Variants in USP32 observed in about 807,000 individuals in gnomAD.
The protein encoded by USP32 is ubiquitin carboxyl-terminal hydrolase 32.
USP32 carries 59 observed loss-of-function variants against 204.8 expected under a neutral mutation model. The observed-to-expected ratio is 0.29, with a 90% CI of 0.23 to 0.36. The LOEUF is 0.36. USP32 is among the 10% of genes least tolerant of loss of function. USP32 has a pLI of 1.00. For missense variants in USP32, 1,160 were observed against 1,946.4 expected (o/e 0.60, Z 7.60); for synonymous variants, 517 against 678.4 (o/e 0.76, Z 3.70).
intron 9 of USP32, among the ~76,000 whole-genome samples, chr17:60,263,130 T>C (rs558940949): frequency 1.3e-5 from 2 of 152,238 alleles, no homozygotes; most frequent in South Asian, 4.1e-4. Flanking sequence ...TTTCTTTTTT[T>C]AGAGATAGAG....
chr17:60,185,319 TA>T, intron 30 of USP32, 140 bp downstream of exon 30: 1 of 969,584 alleles, frequency 1.0e-6, no homozygotes, highest in South Asian at 2.4e-5. Context: ...GTATTCAACA[TA>T]AAAAGCTTGT....
At chr17:60,245,752 T>C (rs2086004143) in intron 11 of USP32, 1 of 153,230 alleles carries the variant, frequency 6.5e-6, no homozygotes, top group South Asian at 2.0e-4. Context: ...TCACTTATTT[T>C]CAGCTTGAAG....
At chr17:60,251,284 AT>A (rs200516481) in intron 11 of USP32, among the ~76,000 whole-genome samples, 34 of 152,052 alleles carry the variant, frequency 2.2e-4, no homozygotes, top group Admixed American at 5.2e-4. Context: ...TAAAAAAAAA[AT>A]AATAATAATA....
In USP32 at chr17:60,391,310, T is replaced by G. The variant is rs570069851; in HGVS notation, c.58+572A>C. On this transcript the variant is annotated intron_variant, in intron 1 of 33. Transcript: ENST00000300896. ...TCATTTCAGATCGTTCTTATCAAAG[T>G]CAGCCGCTCAAACGGTGAAGGGTGG... is the stretch of plus-strand genomic sequence containing the variant. Among the ~76,000 whole-genome samples, 4 of 152,244 alleles carry G rather than the reference T, an allele frequency of 2.6e-5. No homozygotes were observed. The East Asian group carries it at 7.7e-4, about 29-fold the overall frequency.
At chr17:60,252,347 A>G in intron 11 of USP32, 34 bp downstream of exon 11, 1 of 1,538,520 alleles carries the variant, frequency 6.5e-7, no homozygotes, top group Non-Finnish European at 9.0e-7. Flanking sequence ...AAGTATGTGA[A>G]ATTTCAACTA....
intron 11 of USP32, among the ~76,000 whole-genome samples, chr17:60,252,171 C>A (rs762435836): frequency 2.0e-5 from 3 of 151,998 alleles, no homozygotes; most frequent in Non-Finnish European, 4.4e-5. Flanking sequence ...GTATTCAGTG[C>A]AATTTTAATG....
chr17:60,208,509 T>C (rs1180065114), intron 23 of USP32, 145 bp downstream of exon 23: 3 of 1,308,530 alleles, frequency 2.3e-6, no homozygotes, highest in Non-Finnish European at 3.0e-6. Flanking sequence ...AAACCTCAAG[T>C]CATGCCTAAA....
chr17:60,223,956 CT>C (rs1436533920), intron 13 of USP32, among the ~76,000 whole-genome samples: 1 of 152,108 alleles, frequency 6.6e-6, no homozygotes, highest in Non-Finnish European at 1.5e-5. Context: ...TCCAAATGTT[CT>C]TGGTAGATAA....
At chr17:60,422,325 C>A in exon 1 of USP32, 1 of 729,180 alleles carries the variant, frequency 1.4e-6, no homozygotes, top group African/African-American at 1.8e-5. Context: ...GTGCGCTCTG[C>A]CAAAGTCTTC....
At chr17:60,239,951 G>A (rs1019255220) in intron 11 of USP32, among the ~76,000 whole-genome samples, 1 of 152,150 alleles carries the variant, frequency 6.6e-6, no homozygotes, top group African/African-American at 2.4e-5. Context: ...TGGCCAGGCT[G>A]GTCTCGAACT....
At chr17:60,279,271 A>C (rs1399077114) in intron 5 of USP32, among the ~76,000 whole-genome samples, 4 of 152,016 alleles carry the variant, frequency 2.6e-5, no homozygotes, top group Non-Finnish European at 5.9e-5. Flanking sequence ...AGTCTGTGGC[A>C]GGGGAGGATT....
intron 33 of USP32, 105 bp downstream of exon 33, chr17:60,180,440 A>C: frequency 1.6e-6 from 2 of 1,262,426 alleles, no homozygotes. Context: ...TTCTAACAGA[A>C]ATATCTATTT....
intron 1 of USP32, among the ~76,000 whole-genome samples, chr17:60,383,985 T>C (rs2089688068): frequency 1.3e-5 from 2 of 152,194 alleles, no homozygotes; most frequent in South Asian, 4.1e-4. Context: ...CAAAAGATGA[T>C]GGCAGTGGGG....
At chr17:60,414,115 C>T (rs147067023) in intron 1 of USP32, among the ~76,000 whole-genome samples, 2 of 152,104 alleles carry the variant, frequency 1.3e-5, no homozygotes, top group South Asian at 2.1e-4. Context: ...ATAATCCCAG[C>T]GCTTTGGGAG....
At chr17:60,307,328 T>C (rs1209110480) in intron 2 of USP32, among the ~76,000 whole-genome samples, 7 of 152,164 alleles carry the variant, frequency 4.6e-5, no homozygotes, top group African/African-American at 1.7e-4. Flanking sequence ...CTTGAACTCC[T>C]GGCCTCAAGT....
At chr17:60,276,719 TAATC>T (rs1487413009) in intron 5 of USP32, among the ~76,000 whole-genome samples, 6 of 152,140 alleles carry the variant, frequency 3.9e-5, no homozygotes, top group East Asian at 3.8e-4. Context: ...AAAACTATGT[TAATC>T]AATCTCCTTA....
intron 1 of USP32, among the ~76,000 whole-genome samples, chr17:60,375,249 T>C (rs1296534774): frequency 6.6e-6 from 1 of 152,208 alleles, no homozygotes; most frequent in African/African-American, 2.4e-5. Flanking sequence ...GAGTTTTTAA[T>C]GTTTTGACAA....
At chr17:60,333,108 C>T (rs2088429513) in intron 2 of USP32, among the ~76,000 whole-genome samples, 1 of 152,096 alleles carries the variant, frequency 6.6e-6, no homozygotes, top group African/African-American at 2.4e-5. Flanking sequence ...ACAGTTGACC[C>T]TTGAACAACA....
At position 60,319,480 on chromosome 17, in the gene USP32, A is replaced by G. The variant is rs1313347925; in HGVS notation, c.187-17776T>C. 2.6e-5 allele frequency among the ~76,000 whole-genome samples: 4 copies of G among 152,340 alleles called. No homozygotes were observed. The East Asian group carries it at 7.7e-4, about 29-fold the overall frequency. On this transcript the variant is annotated intron_variant, in intron 2 of 33. Coordinates refer to ENST00000300896, the MANE Select transcript of USP32 (RefSeq NM_032582.4). ...ATACGAGTATAATAAACACTTAGATAGAAAGTACTTCTGCGAGCTAGGCAC... is the reference window on the plus strand; with the variant it reads ...ATACGAGTATAATAAACACTTAGATGGAAAGTACTTCTGCGAGCTAGGCAC...
Sources: gnomAD v4.1 joint callset for allele counts (sites outside exome capture counted in the v4.1 genomes callset) on GRCh38, gnomAD v4.1.1 for gene constraint, MANE v1.5 for transcripts, NCBI Gene and HGNC (gene_info 2026-07-23, HGNC 2026-07-21) for gene names.